SMAD2: variants seen among roughly 807,000 people sequenced by gnomAD.
SMAD2 encodes SMAD family member 2.
Under a neutral mutation model 64.4 loss-of-function variants are expected in SMAD2, and 8 were observed. The observed-to-expected ratio is 0.12, with a 90% CI of 0.07 to 0.22. The LOEUF (loss-of-function observed/expected upper bound fraction) is 0.22. Ranked by LOEUF, SMAD2 falls within the 10% of genes least tolerant of loss-of-function variation. SMAD2 has a pLI of 1.00. For synonymous variants in SMAD2, 203 were observed against 195.8 expected (o/e 1.04, Z -0.31); for missense variants, 289 against 561.2 (o/e 0.51, Z 4.90).
At chr18:47,913,253 T>C (rs768400870) in intron 1 of SMAD2, among the ~76,000 whole-genome samples, 6 of 152,190 alleles carry the variant, frequency 3.9e-5, no homozygotes, top group Non-Finnish European at 8.8e-5. Flanking sequence ...ATGTTTCTTA[T>C]GAGTTAAGCT....
Position 47,824,461 on chromosome 18 carries a change from T to TA in SMAD2, c.*17365dup, listed in dbSNP as rs1349213575. On this transcript the variant is annotated 3_prime_UTR_variant, in exon 11 of 11. Transcript: ENST00000262160. ...TATTTCAAGACAATTATATAATCTT[T>TA]ATCTGTCCTTTAAAAACCTGTCTTC... is the stretch of plus-strand genomic sequence containing the variant. 1 of 152,230 alleles carries TA rather than the reference T, an allele frequency of 6.6e-6. No homozygotes were observed. The highest frequency in any genetic ancestry group is 1.5e-5 in the Non-Finnish European group (1 of 68,038). 9.4% of individuals were successfully genotyped at this position (152,230 alleles called of 1,614,324 possible). A position where few individuals can be genotyped will look rare whatever the true frequency, so the allele number is the denominator to read the frequency against.
intron 1 of SMAD2, among the ~76,000 whole-genome samples, chr18:47,909,470 T>G (rs1217929165): frequency 6.6e-6 from 1 of 152,186 alleles, no homozygotes. Flanking sequence ...GAACGGGTTT[T>G]TAATGCAGGC....
chr18:47,847,617 T>C (rs1419949336), intron 8 of SMAD2, among the ~76,000 whole-genome samples: 2 of 136,676 alleles, frequency 1.5e-5, no homozygotes, highest in African/African-American at 5.3e-5. Context: ...AAAAAACAAC[T>C]GTATTTCCAA....
intron 9 of SMAD2, 29 bp from the exon 10 acceptor site, chr18:47,845,513 T>C (rs2144288595): frequency 6.2e-7 from 1 of 1,606,280 alleles, no homozygotes; most frequent in Non-Finnish European, 8.5e-7. Flanking sequence ...AAAGAAATTG[T>C]CAAAAGAGTA....
In SMAD2 at chr18:47,830,269, TA is replaced by T. The variant is rs1470666474; in HGVS notation, c.*11557del. ...TATAAAACATTTTTATTCCAGGTGG[TA>T]AGCTGGCTTAAATTTTCACTTTTCA... On this transcript the variant is annotated 3_prime_UTR_variant, in exon 11 of 11. Transcript: ENST00000262160. 2.6e-5 allele frequency: 4 copies of T among 152,124 alleles called. No individual in the cohort carries two copies. The highest frequency in any genetic ancestry group is 4.4e-5 in the Non-Finnish European group (3 of 68,002). 9.4% of individuals were successfully genotyped at this position (152,124 alleles called of 1,614,324 possible). A position where few individuals can be genotyped will look rare whatever the true frequency, so the allele number is the denominator to read the frequency against.
intron 2 of SMAD2, 72 bp downstream of exon 2, chr18:47,896,449 A>T (rs936296255): frequency 6.6e-7 from 1 of 1,504,958 alleles, no homozygotes; most frequent in African/African-American, 1.4e-5. Context: ...CTTGAAAGGA[A>T]CACAAATTCA....
At chr18:47,908,417 G>A (rs766076986) in intron 1 of SMAD2, among the ~76,000 whole-genome samples, 3 of 151,976 alleles carry the variant, frequency 2.0e-5, no homozygotes, top group South Asian at 2.1e-4. Context: ...AAATGTCTTG[G>A]AGATTTGAGA....
At chr18:47,904,419 C>A (rs2033822150) in intron 1 of SMAD2, among the ~76,000 whole-genome samples, 1 of 151,762 alleles carries the variant, frequency 6.6e-6, no homozygotes, top group Non-Finnish European at 1.5e-5. Context: ...CACAAACATG[C>A]CTTTCACTCT....
chr18:47,897,959 C>T lies in SMAD2; in HGVS notation c.-53-1150G>A, dbSNP rs577321340. Among the ~76,000 whole-genome samples the T allele has an allele frequency of 3.5e-3, 527 of 152,312 alleles. 12 individuals are homozygous for T. Among genetic ancestry groups the T allele is most frequent in the Non-Finnish European group, 3.9e-3 (264 of 68,014 alleles). ...TTTAGAAAGTAAAGAGGTCTGTAGTCTTTACATCACACACCCCAAATACTG... is the reference window on the plus strand; with the variant it reads ...TTTAGAAAGTAAAGAGGTCTGTAGTTTTTACATCACACACCCCAAATACTG... On this transcript the variant is annotated intron_variant, in intron 1 of 10. Transcript: ENST00000262160.
At chr18:47,859,329 AC>A (rs1467996438) in intron 6 of SMAD2, among the ~76,000 whole-genome samples, 1 of 152,190 alleles carries the variant, frequency 6.6e-6, no homozygotes, top group African/African-American at 2.4e-5. Flanking sequence ...AACACTATCA[AC>A]CACCCTGACC....
rs1912984815 is a variant in SMAD2, at chr18:47,831,381, C to G, written c.*10446G>C. 1 of 152,238 alleles carries G rather than the reference C, an allele frequency of 6.6e-6. No individual in the cohort carries two copies. Among genetic ancestry groups the G allele is most frequent in the Non-Finnish European group, 1.5e-5 (1 of 68,036 alleles). The allele number at this position is 152,238 out of a possible 1,614,324, so 9.4% of individuals were successfully genotyped here. A position where few individuals can be genotyped will look rare whatever the true frequency, so the allele number is the denominator to read the frequency against. The stretch of plus-strand genomic sequence containing the variant: ...TCAACCCTGGGCTTACTGTATTCTG[C>G]CCATCTTCTTCCTGGACCAAACTGT... On this transcript the variant is annotated 3_prime_UTR_variant, in exon 11 of 11. Coordinates refer to ENST00000262160, the MANE Select transcript of SMAD2 (RefSeq NM_005901.6).
At chr18:47,889,494 G>A (rs1046887435) in intron 2 of SMAD2, among the ~76,000 whole-genome samples, 3 of 152,108 alleles carry the variant, frequency 2.0e-5, no homozygotes, top group South Asian at 4.1e-4. Context: ...GGAAACAGTC[G>A]GGCGCGGTGG....
At chr18:47,873,920 G>T (rs766200301) in intron 2 of SMAD2, among the ~76,000 whole-genome samples, 9 of 152,082 alleles carry the variant, frequency 5.9e-5, no homozygotes, top group Non-Finnish European at 1.3e-4. Context: ...ACACATTTGG[G>T]GCTGCCAGAG....
At chr18:47,901,809 GATACT>G (rs997575772) in intron 1 of SMAD2, among the ~76,000 whole-genome samples, 36 of 152,256 alleles carry the variant, frequency 2.4e-4, no homozygotes, top group African/African-American at 8.7e-4. Context: ...TAGGTACCTA[GATACT>G]ATAAGAATTG....
intron 1 of SMAD2, among the ~76,000 whole-genome samples, chr18:47,904,618 T>C (rs551531368): frequency 5.7e-4 from 87 of 152,160 alleles, no homozygotes; most frequent in African/African-American, 2.0e-3. Context: ...TACTACTAGA[T>C]GCAAAAATCC....
At chr18:47,851,430 A>C in intron 6 of SMAD2, 103 bp from the exon 7 acceptor site, 2 of 717,258 alleles carry the variant, frequency 2.8e-6, no homozygotes, top group Non-Finnish European at 4.9e-6. Flanking sequence ...CAATAATACA[A>C]AGATAATTTA....
intron 6 of SMAD2, among the ~76,000 whole-genome samples, chr18:47,851,966 T>C (rs1275232579): frequency 6.6e-6 from 1 of 152,172 alleles, no homozygotes; most frequent in East Asian, 1.9e-4. Flanking sequence ...AAAATTATCA[T>C]TCATCAAGGT....
chr18:47,920,576 C>T (rs892879736), intron 1 of SMAD2, among the ~76,000 whole-genome samples: 1 of 152,170 alleles, frequency 6.6e-6, no homozygotes, highest in Non-Finnish European at 1.5e-5. Flanking sequence ...GAAAGCACAA[C>T]TGGGCAGCAG....
rs201745714 is a variant in SMAD2 at position 47,851,262 on chromosome 18, T to C, written c.784+12A>G. ...GTATAAAAATGATGAGGGGAACATA[T>C]GTGCAACTTACCCAAGCTATGATTA... On this transcript the variant is annotated intron_variant, in intron 7 of 10. Coordinates refer to ENST00000262160, the MANE Select transcript of SMAD2 (RefSeq NM_005901.6). 38 of 1,581,208 alleles carry C rather than the reference T, an allele frequency of 2.4e-5. No homozygotes were observed. In the East Asian group the frequency reaches 8.3e-4, roughly 35 times the overall value.
Sources: gnomAD v4.1 joint callset for allele counts (sites outside exome capture counted in the v4.1 genomes callset) on GRCh38, gnomAD v4.1.1 for gene constraint, MANE v1.5 for transcripts, NCBI Gene and HGNC (gene_info 2026-07-23, HGNC 2026-07-21) for gene names.